Variants in XRN1 observed in about 807,000 individuals in gnomAD.
XRN1 encodes the protein 5'-3' exoribonuclease 1.
A neutral mutation model predicts 222.3 loss-of-function variants in XRN1; 67 were observed. The ratio of observed to expected loss-of-function variants is 0.30; its 90% CI spans 0.25 to 0.37. The LOEUF (loss-of-function observed/expected upper bound fraction) is 0.37. Among genes scored for constraint, XRN1 ranks in the 10% least tolerant of loss-of-function variants. XRN1 has a pLI of 1.00. For synonymous variants in XRN1, 643 were observed against 652.4 expected, an observed-to-expected ratio of 0.99 and a Z score of 0.22; for missense variants, 1,707 against 2,000.2, an observed-to-expected ratio of 0.85 and a Z score of 2.80.
intron 33 of XRN1, among the ~76,000 whole-genome samples, chr3:142,343,696 T>C (rs181232656): frequency 2.3e-4 from 35 of 152,202 alleles, no homozygotes; most frequent in Admixed American, 2.3e-3. Flanking sequence ...AAACTAAAAA[T>C]AGAGCTACCA....
intron 31 of XRN1, among the ~76,000 whole-genome samples, chr3:142,356,618 A>T (rs1251369295): frequency 6.6e-6 from 1 of 152,202 alleles, no homozygotes; most frequent in Non-Finnish European, 1.5e-5. Flanking sequence ...TACAAGAAAA[A>T]AATTAAATGT....
chr3:142,317,678 T>C (rs9289648), intron 39 of XRN1, among the ~76,000 whole-genome samples: 91,752 of 151,984 alleles, frequency 0.6, 28,711 homozygotes, highest in African/African-American at 0.78. Context: ...CTCACCACTT[T>C]GCACATAGAC....
Position 142,357,163 on chromosome 3 carries a change from A to G in XRN1, c.3465-44T>C, listed in dbSNP as rs1322921729. On this transcript the variant is annotated intron_variant, in intron 30 of 40. Coordinates refer to ENST00000392981, the MANE Select transcript of XRN1 (RefSeq NM_001282857.2). ...TCAGGGTTGGAAGGAAAACAATACT[A>G]AATGTGTTAGGGAGAAAAGTCAAAT... is the stretch of plus-strand genomic sequence containing the variant. 3.9e-6 allele frequency: 6 copies of G among 1,537,836 alleles called. No homozygotes were observed. The African/African-American group carries it at 8.2e-5, about 21-fold the overall frequency.
chr3:142,376,744 T>C (rs888737963), intron 23 of XRN1, 150 bp from the exon 24 acceptor site: 12 of 590,322 alleles, frequency 2.0e-5, no homozygotes, highest in African/African-American at 5.7e-5. Context: ...CCATTTCCCC[T>C]TTTTTTTGAA....
rs969032942 is a variant in XRN1 at position 142,389,907 on chromosome 3, G to A, written c.2340-5222C>T. Among the ~76,000 whole-genome samples the A allele has an allele frequency of 3.3e-5, 5 of 152,158 alleles. No homozygotes were observed. In the South Asian group the frequency reaches 8.3e-4, roughly 25 times the overall value. ...CAGAATGGATGTTGTGTTTGCATGC[G>A]TGAATGGATGTTGTGTTTGCATGTG... On this transcript the variant is annotated intron_variant, in intron 20 of 40. Coordinates refer to ENST00000392981, the MANE Select transcript of XRN1 (RefSeq NM_001282857.2).
At chr3:142,441,392 C>A (rs545129179) in intron 1 of XRN1, among the ~76,000 whole-genome samples, 33 of 152,202 alleles carry the variant, frequency 2.2e-4, no homozygotes, top group Non-Finnish European at 4.1e-4. Flanking sequence ...CTAACCCAAG[C>A]CCCAGTGTTA....
chr3:142,400,081 AT>A (rs2068072355), intron 19 of XRN1, among the ~76,000 whole-genome samples: 1 of 152,162 alleles, frequency 6.6e-6, no homozygotes, highest in South Asian at 2.1e-4. Context: ...TACAATTTAA[AT>A]GAAATCCAGA....
At chr3:142,371,170 C>T (rs1247899717) in intron 26 of XRN1, 69 bp downstream of exon 26, 4 of 1,194,294 alleles carry the variant, frequency 3.3e-6, no homozygotes, top group Non-Finnish European at 2.4e-6. Context: ...TCTTGAGAAA[C>T]CAGCTGCAGT....
intron 16 of XRN1, 52 bp downstream of exon 16, chr3:142,404,855 C>G: frequency 6.3e-7 from 1 of 1,582,666 alleles, no homozygotes; most frequent in Non-Finnish European, 8.7e-7. Flanking sequence ...CTTCTCGCAC[C>G]CTTGTGTTAG....
intron 2 of XRN1, among the ~76,000 whole-genome samples, chr3:142,430,997 A>C (rs1294836988): frequency 6.6e-6 from 1 of 152,160 alleles, no homozygotes; most frequent in Non-Finnish European, 1.5e-5. Flanking sequence ...TTCTGATCTC[A>C]CTTGCCTTTC....
In XRN1 at chr3:142,418,857, T is replaced by C. The variant is rs2108094384; in HGVS notation, c.1198A>G (p.Thr400Ala). ...LKGQENSLCW[T>A]ALDKNEGEMI... is the part of the protein sequence containing the mutation. ...TCGCCTTCATTTTTGTCTAAAGCAG[T>C]CCAACACAGAGAATTTTCCTGGCCC... is the stretch of plus-strand genomic sequence containing the variant. The change falls in exon 11 of 41, where the codon ACT becomes GCT. Residue 400 changes from threonine to alanine, a missense_variant. Physicochemically the swap from Thr to Ala is moderately conservative, Grantham distance 58. This residue lies in a region of XRN1 where 1,234 missense variants were observed against 1,518.2 expected (regional missense o/e 0.81). Coordinates refer to ENST00000392981, the MANE Select transcript of XRN1 (RefSeq NM_001282857.2). The C allele has an allele frequency of 6.2e-7, 1 of 1,614,038 alleles. No homozygotes were observed. Among genetic ancestry groups the C allele is most frequent in the Non-Finnish European group, 8.5e-7 (1 of 1,179,958 alleles).
At chr3:142,376,338 T>C (rs2067141805) in intron 24 of XRN1, 141 bp downstream of exon 24, 3 of 774,248 alleles carry the variant, frequency 3.9e-6, no homozygotes, top group African/African-American at 1.8e-5. Context: ...AGATGAAAGA[T>C]TACCATCAGA....
intron 27 of XRN1, among the ~76,000 whole-genome samples, chr3:142,366,100 G>A (rs896407675): frequency 6.6e-6 from 1 of 151,972 alleles, no homozygotes; most frequent in Admixed American, 6.6e-5. Context: ...AACTACTTTA[G>A]GCATCAGCCT....
rs1157648380 is a variant in XRN1 at position 142,391,750 on chromosome 3, ATATATAT to A, written c.2339+5572_2339+5578del. On this transcript the variant is annotated intron_variant, in intron 20 of 40. Transcript: ENST00000392981. Reference sequence around the variant, plus strand: ...CCCCGTCTCACTAAAAAAAAAAAAAATATATATATATATATATATATATATGAATGAA... The same window carrying A: ...CCCCGTCTCACTAAAAAAAAAAAAAAATATATATATATATATATGAATGAA... Among the ~76,000 whole-genome samples the A allele has an allele frequency of 1.2e-4, 8 of 64,132 alleles. No homozygotes were observed. In the South Asian group the frequency reaches 2.5e-3, roughly 20 times the overall value. The allele number at this position is 64,132 out of a possible 152,430, so 42.1% of individuals were successfully genotyped here. A position where few individuals can be genotyped will look rare whatever the true frequency, so the allele number is the denominator to read the frequency against.
At chr3:142,332,941 T>C in intron 35 of XRN1, 26 bp downstream of exon 35, 1 of 1,610,874 alleles carries the variant, frequency 6.2e-7, no homozygotes, top group Non-Finnish European at 8.5e-7. Context: ...ATTACCACAG[T>C]AAGAAAGTTC....
In XRN1 at chr3:142,312,848, G is replaced by C. The variant is rs1042809972; in HGVS notation, c.4622-90C>G. On this transcript the variant is annotated intron_variant, in intron 39 of 40. Transcript: ENST00000392981. The stretch of plus-strand genomic sequence containing the variant: ...GACCTCCTTCTGCTAGCCTTTTTGG[G>C]CTTTTTTTTTCCCCTTTGGCAAAAG... 1.4e-5 allele frequency: 20 copies of C among 1,380,562 alleles called. No individual in the cohort carries two copies. In the African/African-American group the frequency reaches 2.6e-4, roughly 18 times the overall value. 85.5% of individuals were successfully genotyped at this position (1,380,562 alleles called of 1,614,324 possible). A position where few individuals can be genotyped will look rare whatever the true frequency, so the allele number is the denominator to read the frequency against.
At chr3:142,389,764 C>T (rs1210107966) in intron 20 of XRN1, among the ~76,000 whole-genome samples, 2 of 152,220 alleles carry the variant, frequency 1.3e-5, no homozygotes, top group African/African-American at 2.4e-5. Context: ...AGGTGATCCA[C>T]CCACCTCAGC....
chr3:142,353,843 A>G (rs1401803702), intron 32 of XRN1, among the ~76,000 whole-genome samples: 1 of 152,206 alleles, frequency 6.6e-6, no homozygotes, highest in African/African-American at 2.4e-5. Context: ...TAATTAAACT[A>G]AAGAGTTTCT....
Position 142,308,916 on chromosome 3 carries a change from C to T in XRN1, c.*2595G>A, listed in dbSNP as rs2065022475. The T allele has an allele frequency of 6.6e-6, 1 of 152,106 alleles. No individual in the cohort carries two copies. The highest frequency in any genetic ancestry group is 1.5e-5 in the Non-Finnish European group (1 of 68,016). 9.4% of individuals were successfully genotyped at this position (152,106 alleles called of 1,614,324 possible). On this transcript the variant is annotated 3_prime_UTR_variant, in exon 41 of 41. Transcript: ENST00000392981. ...AACTTTGGGGGTGGTCTTAGTCCAC[C>T]CCATCTCAAAGAGAGAATTTTAAAT...
Sources: allele counts gnomAD v4.1 joint callset (sites outside exome capture counted in the v4.1 genomes callset), GRCh38; gene constraint gnomAD v4.1.1; regional missense constraint gnomAD v4.1.1; transcripts MANE v1.5; gene names NCBI Gene and HGNC (gene_info 2026-07-23, HGNC 2026-07-21).